Variants in SHROOM3 observed in about 807,000 individuals in gnomAD.
SHROOM3 encodes shroom family member 3, also known as protein Shroom3.
In SHROOM3, 47 loss-of-function variants were observed where a neutral mutation model predicts 138.6. The ratio of observed to expected loss-of-function variants is 0.34; its 90% CI spans 0.27 to 0.43. The LOEUF (loss-of-function observed/expected upper bound fraction) is 0.43. SHROOM3 is among the 20% of genes least tolerant of loss of function. The pLI is 1.00. For missense variants in SHROOM3, 2,491 were observed against 2,596.5 expected (o/e 0.96, Z 0.88); for synonymous variants, 1,062 against 1,063.3 (o/e 1.00, Z 0.02).
At chr4:76,597,264 A>G (rs1013265143) in intron 2 of SHROOM3, among the ~76,000 whole-genome samples, 28 of 152,290 alleles carry the variant, frequency 1.8e-4, no homozygotes, top group African/African-American at 6.5e-4. Context: ...GGAGAAGAGA[A>G]TTGTGGTTTC....
chr4:76,770,277 T>C (rs1722306106), intron 9 of SHROOM3, among the ~76,000 whole-genome samples: 1 of 140,132 alleles, frequency 7.1e-6, no homozygotes, highest in African/African-American at 2.8e-5. Context: ...TGAGCCGAGA[T>C]TGAACCATTG....
intron 1 of SHROOM3, among the ~76,000 whole-genome samples, chr4:76,539,941 G>A (rs1369025822): frequency 2.0e-5 from 3 of 152,126 alleles, no homozygotes; most frequent in Non-Finnish European, 4.4e-5. Flanking sequence ...TCCATCTTCC[G>A]GGTTCAAGCC....
At chr4:76,770,559 G>T in intron 9 of SHROOM3, 67 bp from the exon 10 acceptor site, 1 of 1,590,476 alleles carries the variant, frequency 6.3e-7, no homozygotes, top group Admixed American at 1.7e-5. Flanking sequence ...GTGGCTGGGG[G>T]AGGTGACTTC....
chr4:76,739,864 A>C lies in SHROOM3; in HGVS notation c.1691A>C (p.Glu564Ala), dbSNP rs76656494. 0.014 allele frequency: 23,179 copies of C among 1,614,204 alleles called. 183 individuals carry two copies. Among genetic ancestry groups the C allele is most frequent in the Middle Eastern group, 0.031 (186 of 6,062 alleles). The change falls in exon 5 of 11, where the codon GAA becomes GCA. Residue 564 changes from glutamate (E) to alanine (A), a missense_variant. Coordinates refer to ENST00000296043, the MANE Select transcript of SHROOM3 (RefSeq NM_020859.4). ...PSKVHFCSVP[E>A]NEEDASLKRH... ...AAAGTCCATTTCTGTTCAGTGCCTG[A>C]AAATGAGGAGGATGCCTCCCTGAAG...
intron 1 of SHROOM3, among the ~76,000 whole-genome samples, chr4:76,461,680 CATT>C (rs1731145537): frequency 6.6e-6 from 1 of 152,108 alleles, no homozygotes; most frequent in Admixed American, 6.5e-5. Context: ...CTGTTGTCCT[CATT>C]AGGTGAAAGC....
chr4:76,548,489 C>T (rs1733274421), intron 1 of SHROOM3, among the ~76,000 whole-genome samples: 1 of 152,184 alleles, frequency 6.6e-6, no homozygotes. Context: ...CAAAGCACCA[C>T]GTCAAGCTGT....
At chr4:76,462,942 G>A (rs966866598) in intron 1 of SHROOM3, among the ~76,000 whole-genome samples, 2 of 152,122 alleles carry the variant, frequency 1.3e-5, no homozygotes, top group African/African-American at 2.4e-5. Flanking sequence ...TTATAGCAGT[G>A]CGAGAATGGA....
intron 5 of SHROOM3, among the ~76,000 whole-genome samples, chr4:76,748,187 A>G (rs1425249726): frequency 6.6e-6 from 1 of 152,226 alleles, no homozygotes; most frequent in African/African-American, 2.4e-5. Flanking sequence ...CCACTAAACA[A>G]AAACAATGAG....
intron 2 of SHROOM3, among the ~76,000 whole-genome samples, chr4:76,608,528 GGCATAGCATA>G (rs66571570): frequency 0.18 from 19,838 of 109,710 alleles, 2,020 homozygotes; most frequent in Middle Eastern, 0.29. Flanking sequence ...GGACAGAGAT[GGCATAGCATA>G]GCATAGCATA....
chr4:76,517,030 A>G (rs965322002), intron 1 of SHROOM3, among the ~76,000 whole-genome samples: 3 of 152,224 alleles, frequency 2.0e-5, no homozygotes, highest in Non-Finnish European at 2.9e-5. Flanking sequence ...CTGCTGCAAT[A>G]CAACACACTT....
chr4:76,660,500 G>T (rs1736160546), intron 2 of SHROOM3, among the ~76,000 whole-genome samples: 2 of 151,936 alleles, frequency 1.3e-5, no homozygotes, highest in African/African-American at 4.8e-5. Flanking sequence ...TTTTAAGATG[G>T]AGTCTTGCTC....
intron 5 of SHROOM3, among the ~76,000 whole-genome samples, chr4:76,745,896 G>A (rs971857167): frequency 2.0e-5 from 3 of 152,182 alleles, no homozygotes; most frequent in Admixed American, 6.5e-5. Flanking sequence ...CACGAGAATC[G>A]CTTGAACTCA....
At chr4:76,600,927 C>T (rs376486164) in intron 2 of SHROOM3, among the ~76,000 whole-genome samples, 5 of 152,200 alleles carry the variant, frequency 3.3e-5, no homozygotes, top group African/African-American at 9.6e-5. Flanking sequence ...GAAGCAACCA[C>T]AAAAATCAAA....
chr4:76,749,641 CTG>C lies in SHROOM3; in HGVS notation c.3827+553_3827+554del, dbSNP rs376758614. On this transcript the variant is annotated intron_variant, in intron 6 of 10. Coordinates refer to ENST00000296043, the MANE Select transcript of SHROOM3 (RefSeq NM_020859.4). ...GAACAGCTTCACAGAGGAAGGCAAACTGTAAGCATCGGAGGTGAAAAATAAAG... is the reference window on the plus strand; with the variant it reads ...GAACAGCTTCACAGAGGAAGGCAAACTAAGCATCGGAGGTGAAAAATAAAG... Among the ~76,000 whole-genome samples the C allele has an allele frequency of 2.0e-4, 30 of 152,276 alleles. No homozygotes were observed. The East Asian group carries it at 5.4e-3, about 27-fold the overall frequency.
intron 2 of SHROOM3, among the ~76,000 whole-genome samples, chr4:76,704,603 G>T (rs1291746199): frequency 1.3e-5 from 2 of 152,254 alleles, no homozygotes; most frequent in Non-Finnish European, 2.9e-5. Flanking sequence ...GGCCAGTGAG[G>T]TCAGAATGCA....
At chr4:76,645,386 C>T (rs1735791451) in intron 2 of SHROOM3, 1 of 152,174 alleles carries the variant, frequency 6.6e-6, no homozygotes, top group Non-Finnish European at 1.5e-5. Context: ...CATTTAGTGT[C>T]TCTACTGCTG....
intron 2 of SHROOM3, among the ~76,000 whole-genome samples, chr4:76,626,127 T>C (rs991144402): frequency 6.6e-6 from 1 of 152,202 alleles, no homozygotes; most frequent in African/African-American, 2.4e-5. Flanking sequence ...CACAAAATGG[T>C]TGTGAAGAGG....
At position 76,601,178 on chromosome 4, in the gene SHROOM3, G is replaced by A. The variant is rs549256843; in HGVS notation, c.323+45415G>A. Among the ~76,000 whole-genome samples the A allele has an allele frequency of 3.9e-5, 6 of 152,330 alleles. No individual in the cohort carries two copies. The South Asian group carries it at 1.2e-3, about 32-fold the overall frequency. On this transcript the variant is annotated intron_variant, in intron 2 of 10. Transcript: ENST00000296043. ...TGGTGACAGTTAAAAATTTACATCA[G>A]TGGTTCTCAGCTAGAGGCGATTTCC... is the stretch of plus-strand genomic sequence containing the variant.
intron 2 of SHROOM3, among the ~76,000 whole-genome samples, chr4:76,696,494 G>T (rs1260418791): frequency 6.6e-6 from 1 of 152,148 alleles, no homozygotes; most frequent in Non-Finnish European, 1.5e-5. Context: ...TTTGTCGTGG[G>T]TTCTATACCT....
Sources: gnomAD v4.1 joint callset for allele counts (sites outside exome capture counted in the v4.1 genomes callset) on GRCh38, gnomAD v4.1.1 for gene constraint, MANE v1.5 for transcripts, NCBI Gene and HGNC (gene_info 2026-07-23, HGNC 2026-07-21) for gene names.